Variants in SSH2 observed in about 807,000 individuals in gnomAD.
SSH2 encodes the protein slingshot protein phosphatase 2.
In SSH2, 37 loss-of-function variants were observed where a neutral mutation model predicts 135.2. That is an observed-to-expected ratio of 0.27 (90% confidence interval 0.21 to 0.36). The LOEUF (loss-of-function observed/expected upper bound fraction) is 0.36, where lower values mean the gene tolerates loss of function less well. Among genes scored for constraint, SSH2 ranks in the 10% least tolerant of loss-of-function variants. The probability of loss-of-function intolerance (pLI) is 1.00; values close to 1 mark genes in which losing one functional copy is unlikely to be tolerated. For missense variants in SSH2, 1,408 were observed against 1,765.3 expected, an observed-to-expected ratio of 0.80 and a Z score of 3.63; for synonymous variants, 628 against 646.2, an observed-to-expected ratio of 0.97 and a Z score of 0.43.
chr17:29,916,404 A>C (rs887824758), intron 1 of SSH2, among the ~76,000 whole-genome samples: 5 of 152,306 alleles, frequency 3.3e-5, no homozygotes, highest in African/African-American at 1.2e-4. Flanking sequence ...TTCAAATTTA[A>C]GCAGACAGTT....
At chr17:29,851,071 G>C (rs2065547718) in intron 1 of SSH2, among the ~76,000 whole-genome samples, 1 of 152,060 alleles carries the variant, frequency 6.6e-6, no homozygotes, top group Non-Finnish European at 1.5e-5. Context: ...TATTTTGGAG[G>C]GGGGAGAATA....
chr17:29,733,408 AG>A (rs2040261785), intron 3 of SSH2, among the ~76,000 whole-genome samples: 1 of 152,260 alleles, frequency 6.6e-6, no homozygotes, highest in African/African-American at 2.4e-5. Flanking sequence ...CTGAAACATA[AG>A]TATAACAAAT....
At chr17:29,635,630 G>A (rs902260389) in intron 15 of SSH2, among the ~76,000 whole-genome samples, 13 of 151,738 alleles carry the variant, frequency 8.6e-5, no homozygotes, top group South Asian at 2.1e-4. Flanking sequence ...GGATGGTTTC[G>A]ATCTCCTGAC....
At chr17:29,900,257 G>T in intron 1 of SSH2, among the ~76,000 whole-genome samples, 1 of 152,130 alleles carries the variant, frequency 6.6e-6, no homozygotes, top group Non-Finnish European at 1.5e-5. Flanking sequence ...AAAAGCAATG[G>T]CAACAAAAGC....
intron 8 of SSH2, among the ~76,000 whole-genome samples, chr17:29,672,916 A>T (rs947574344): frequency 2.0e-5 from 3 of 152,072 alleles, no homozygotes; most frequent in African/African-American, 7.2e-5. Flanking sequence ...CATGTTGGTC[A>T]GGCTGGTCTC....
At position 29,846,040 on chromosome 17, in the gene SSH2, ATT is replaced by A. The variant is rs34670451; in HGVS notation, c.144+2807_144+2808del. On this transcript the variant is annotated intron_variant, in intron 2 of 15. Coordinates refer to ENST00000540801, the MANE Select transcript of SSH2 (RefSeq NM_001282129.2). Reference sequence around the variant, plus strand: ...AGAGGACTCCACTGCAAACTGAACAATTTTTTTTTTTTTTTTGAGATGGAGTC... The same window carrying A: ...AGAGGACTCCACTGCAAACTGAACAATTTTTTTTTTTTTTGAGATGGAGTC... 2.7e-3 allele frequency among the ~76,000 whole-genome samples: 378 copies of A among 142,340 alleles called. 1 individual carries two copies. Among genetic ancestry groups the A allele is most frequent in the African/African-American group, 6.8e-3 (261 of 38,524 alleles). 93.4% of individuals were successfully genotyped at this position (142,340 alleles called of 152,430 possible).
intron 11 of SSH2, among the ~76,000 whole-genome samples, chr17:29,665,861 AT>A (rs1287319072): frequency 6.6e-6 from 1 of 152,236 alleles, no homozygotes; most frequent in Non-Finnish European, 1.5e-5. Flanking sequence ...ATGAAGAACA[AT>A]TTTTAGTCAC....
chr17:29,925,519 C>G (rs537180456), intron 1 of SSH2: 1 of 398,338 alleles, frequency 2.5e-6, no homozygotes, highest in East Asian at 3.6e-5. Context: ...AGTTCAAGAC[C>G]AGCCTGGGCA....
chr17:29,741,677 G>A (rs527631245), intron 3 of SSH2, among the ~76,000 whole-genome samples: 13 of 149,070 alleles, frequency 8.7e-5, no homozygotes, highest in East Asian at 2.0e-4. Flanking sequence ...GTGCAGTGGC[G>A]CGATCTCAGC....
In SSH2 at chr17:29,648,055, C is replaced by T. The variant is rs917590951; in HGVS notation, c.1427+89G>A. 12 of 1,217,764 alleles carry T rather than the reference C, an allele frequency of 9.9e-6. No individual in the cohort carries two copies. In the African/African-American group the frequency reaches 1.7e-4, roughly 17 times the overall value. 75.4% of individuals were successfully genotyped at this position (1,217,764 alleles called of 1,614,324 possible). A position where few individuals can be genotyped will look rare whatever the true frequency, so the allele number is the denominator to read the frequency against. On this transcript the variant is annotated intron_variant, in intron 14 of 15. Transcript: ENST00000540801. ...TTTTGAAAAAATATCACATCCAAAT[C>T]AGCTTGAGAAGTAGCTACAGAGAAG...
At chr17:29,646,073 C>T (rs1051913203) in intron 14 of SSH2, among the ~76,000 whole-genome samples, 3 of 152,184 alleles carry the variant, frequency 2.0e-5, no homozygotes. Flanking sequence ...CTAACAAAAC[C>T]ACCTAGAATA....
At chr17:29,664,317 G>C (rs1246092060) in intron 11 of SSH2, among the ~76,000 whole-genome samples, 1 of 150,220 alleles carries the variant, frequency 6.7e-6, no homozygotes, top group Non-Finnish European at 1.5e-5. Flanking sequence ...AGGTTGCAGT[G>C]AGCTGAGATC....
At chr17:29,733,264 A>T (rs1365536397) in intron 3 of SSH2, among the ~76,000 whole-genome samples, 1 of 152,252 alleles carries the variant, frequency 6.6e-6, no homozygotes, top group Non-Finnish European at 1.5e-5. Context: ...GATTGTGTTG[A>T]AGTGAGTCAG....
chr17:29,716,294 A>G, intron 3 of SSH2: 1 of 424,152 alleles, frequency 2.4e-6, no homozygotes, highest in Non-Finnish European at 4.4e-6. Flanking sequence ...GAACCCAGGT[A>G]CCTTTCTCTT....
intron 3 of SSH2, among the ~76,000 whole-genome samples, chr17:29,759,693 CTTAT>C (rs1328884982): frequency 3.3e-5 from 5 of 152,140 alleles, no homozygotes; most frequent in Non-Finnish European, 7.3e-5. Flanking sequence ...TTGTGACTGG[CTTAT>C]TTCACTTAGA....
At chr17:29,651,467 AAG>A (rs750060563) in intron 12 of SSH2, among the ~76,000 whole-genome samples, 2 of 152,234 alleles carry the variant, frequency 1.3e-5, no homozygotes, top group Non-Finnish European at 2.9e-5. Context: ...ATGCTTGCAG[AAG>A]AGAGTTTCTG....
intron 3 of SSH2, among the ~76,000 whole-genome samples, chr17:29,784,065 CAAAAAAAAAAAAAAAAA>C (rs71138857): frequency 3.6e-4 from 3 of 8,234 alleles, no homozygotes; most frequent in South Asian, 8.8e-3. Context: ...GACTCCGTCT[CAAAAAAAAAAAAAAAAA>C]AAAAAAAAAA....
At chr17:29,646,492 A>G (rs1269519138) in intron 14 of SSH2, among the ~76,000 whole-genome samples, 1 of 152,102 alleles carries the variant, frequency 6.6e-6, no homozygotes, top group Non-Finnish European at 1.5e-5. Flanking sequence ...TGAAAAGCAT[A>G]TATAATTGGA....
chr17:29,782,304 C>A (rs867631224), intron 3 of SSH2, among the ~76,000 whole-genome samples: 8 of 152,172 alleles, frequency 5.3e-5, no homozygotes, highest in African/African-American at 1.2e-4. Flanking sequence ...TATTCCTGTT[C>A]ATTCACTAAG....
Sources: gnomAD v4.1 joint callset for allele counts (sites outside exome capture counted in the v4.1 genomes callset) on GRCh38, gnomAD v4.1.1 for gene constraint, MANE v1.5 for transcripts, NCBI Gene and HGNC (gene_info 2026-07-23, HGNC 2026-07-21) for gene names.